The following ATP2B2 variants were observed in gnomAD, a reference collection of about 807,000 sequenced individuals.
ATP2B2 encodes plasma membrane calcium-transporting ATPase 2.
A neutral mutation model predicts 120.0 loss-of-function variants in ATP2B2; 15 were observed. The ratio of observed to expected loss-of-function variants is 0.12; its 90% CI spans 0.08 to 0.19. The LOEUF (loss-of-function observed/expected upper bound fraction) is 0.19. Ranked by LOEUF, ATP2B2 falls within the 10% of genes least tolerant of loss-of-function variation. The pLI, the probability that ATP2B2 is intolerant of heterozygous loss-of-function variation, is 1.00. For synonymous variants in ATP2B2, 694 were observed against 700.3 expected (o/e 0.99, Z 0.14); for missense variants, 1,045 against 1,719.8 (o/e 0.61, Z 6.94).
intron 1 of ATP2B2, among the ~76,000 whole-genome samples, chr3:10,694,634 C>A (rs918178494): frequency 2.6e-5 from 4 of 152,176 alleles, no homozygotes; most frequent in African/African-American, 9.7e-5. Flanking sequence ...GAGTATATGG[C>A]ACCTATTTCT....
intron 1 of ATP2B2, among the ~76,000 whole-genome samples, chr3:10,691,651 C>T (rs2071665841): frequency 6.6e-6 from 1 of 152,216 alleles, no homozygotes; most frequent in African/African-American, 2.4e-5. Context: ...TCCATGGAAA[C>T]AAACTGCTGC....
chr3:10,581,983 C>CA (rs1482038303), intron 2 of ATP2B2, among the ~76,000 whole-genome samples: 2 of 152,242 alleles, frequency 1.3e-5, no homozygotes, highest in East Asian at 3.8e-4. Context: ...ATGATTCCCA[C>CA]ACTGGTCGGA....
chr3:10,336,914 C>T (rs527732425), intron 22 of ATP2B2, among the ~76,000 whole-genome samples: 1 of 152,336 alleles, frequency 6.6e-6, no homozygotes, highest in East Asian at 1.9e-4. Context: ...ATCTGGAGAC[C>T]CCTGCGTGGC....
intron 9 of ATP2B2, among the ~76,000 whole-genome samples, chr3:10,378,937 A>G (rs1229447634): frequency 6.6e-6 from 1 of 152,228 alleles, no homozygotes; most frequent in East Asian, 1.9e-4. Context: ...CCTTTTGGAC[A>G]GAGACTGAGC....
chr3:10,421,162 G>C (rs2062966817), intron 2 of ATP2B2, among the ~76,000 whole-genome samples: 1 of 152,194 alleles, frequency 6.6e-6, no homozygotes, highest in Non-Finnish European at 1.5e-5. Context: ...GAGGGAGGAG[G>C]GTGAGGAGGA....
At chr3:10,334,641 G>A (rs577113877) in intron 22 of ATP2B2, among the ~76,000 whole-genome samples, 1 of 152,308 alleles carries the variant, frequency 6.6e-6, no homozygotes, top group East Asian at 1.9e-4. Flanking sequence ...CCAGCACTGC[G>A]TTTCTGTGCT....
In ATP2B2 at chr3:10,329,105, G is replaced by C; in HGVS notation, c.3441C>G (p.Phe1147Leu). The stretch of plus-strand genomic sequence containing the variant: ...CTAAACCTTCATAGAGAGAGCTACG[G>C]AACGCCTTCACGACGCGGATCTGCA... ...IQTQIRVVKA[F>L]RSSLYEGLEK... Residue 1147 changes from phenylalanine to leucine, a missense_variant, in exon 23 of 23, where the codon TTC becomes TTG. Phe to Leu is a conservative substitution (Grantham distance 22, BLOSUM62 0). This residue lies in a region of ATP2B2 where 211 missense variants were observed against 385.1 expected (regional missense o/e 0.55). Coordinates refer to ENST00000360273, the MANE Select transcript of ATP2B2 (RefSeq NM_001001331.4). This position sits in a 1 kb window ranked among gnomAD's most constrained non-coding sequence, Gnocchi z 5.9. 1 of 1,602,202 alleles carries C rather than the reference G, an allele frequency of 6.2e-7. No individual in the cohort carries two copies. The highest frequency in any genetic ancestry group is 8.5e-7 in the Non-Finnish European group (1 of 1,174,020).
chr3:10,573,474 G>C (rs146475886), intron 2 of ATP2B2, among the ~76,000 whole-genome samples: 1 of 152,270 alleles, frequency 6.6e-6, no homozygotes, highest in East Asian at 1.9e-4. Flanking sequence ...CTCTTCCCTA[G>C]AACTTTGATC....
At chr3:10,614,791 C>T (rs2004712) in intron 2 of ATP2B2, among the ~76,000 whole-genome samples, 83,865 of 151,674 alleles carry the variant, frequency 0.55, 23,790 homozygotes, top group Middle Eastern at 0.62. Flanking sequence ...TACCACAGCA[C>T]GGAGTCCCAA....
chr3:10,647,517 C>T (rs1306996793), intron 1 of ATP2B2, among the ~76,000 whole-genome samples: 5 of 152,184 alleles, frequency 3.3e-5, no homozygotes, highest in Non-Finnish European at 7.3e-5. Context: ...CCATGTGTTG[C>T]ATCAACTGCT....
rs549153909 is a variant in ATP2B2, at chr3:10,562,488, G to A, written c.-414-28355C>T. Among the ~76,000 whole-genome samples, 3 of 152,238 alleles carry A rather than the reference G, an allele frequency of 2.0e-5. No homozygotes were observed. In the East Asian group the frequency reaches 5.8e-4, roughly 29 times the overall value. ...TATGGGTCTTCTCTTGCTGGGTCTTGGGGAAGGAGGGAAGACTCAGTGGGC... is the reference window on the plus strand; with the variant it reads ...TATGGGTCTTCTCTTGCTGGGTCTTAGGGAAGGAGGGAAGACTCAGTGGGC... On this transcript the variant is annotated intron_variant, in intron 2 of 21. Transcript: ENST00000646379.
intron 2 of ATP2B2, among the ~76,000 whole-genome samples, chr3:10,619,161 T>G (rs1022594287): frequency 6.6e-6 from 1 of 152,160 alleles, no homozygotes; most frequent in Non-Finnish European, 1.5e-5. Context: ...GTAAAGTGGC[T>G]GTGTCTCCTA....
At position 10,596,753 on chromosome 3, in the gene ATP2B2, T is replaced by C. The variant is rs147882665; in HGVS notation, c.-415+23164A>G. ...TCAAATTATTCTGAAGGGCCACTTCTCTCTGTCCTTTAAGATGAAAACTCT... is the reference window on the plus strand; with the variant it reads ...TCAAATTATTCTGAAGGGCCACTTCCCTCTGTCCTTTAAGATGAAAACTCT... On this transcript the variant is annotated intron_variant, in intron 2 of 21. Coordinates refer to the ATP2B2 transcript ENST00000646379. Among the ~76,000 whole-genome samples, 1,478 of 152,338 alleles carry C rather than the reference T, an allele frequency of 9.7e-3. 10 individuals are homozygous for C. The highest frequency in any genetic ancestry group is 0.034 in the Middle Eastern group (10 of 294).
At chr3:10,426,175 C>G (rs13319485) in intron 2 of ATP2B2, among the ~76,000 whole-genome samples, 24 of 152,262 alleles carry the variant, frequency 1.6e-4, no homozygotes, top group Admixed American at 3.9e-4. Context: ...GCTGAACCCC[C>G]CTCCTAGATA....
At chr3:10,534,766 T>C (rs2067275676) in intron 2 of ATP2B2, among the ~76,000 whole-genome samples, 1 of 152,012 alleles carries the variant, frequency 6.6e-6, no homozygotes, top group Non-Finnish European at 1.5e-5. Context: ...GTAACTAAAA[T>C]ATAATATGCA....
At chr3:10,613,392 C>T (rs942517990) in intron 2 of ATP2B2, among the ~76,000 whole-genome samples, 8 of 152,126 alleles carry the variant, frequency 5.3e-5, no homozygotes, top group African/African-American at 1.9e-4. Context: ...GAGTTTGTTG[C>T]CAGCTGGTCA....
chr3:10,600,713 G>A (rs1385221321), intron 2 of ATP2B2, among the ~76,000 whole-genome samples: 1 of 152,184 alleles, frequency 6.6e-6, no homozygotes, highest in African/African-American at 2.4e-5. Context: ...TTGCACAGGG[G>A]CCCTCTGCCC....
chr3:10,337,964 C>A (rs1033664531), intron 22 of ATP2B2, among the ~76,000 whole-genome samples: 4 of 152,182 alleles, frequency 2.6e-5, no homozygotes, highest in Non-Finnish European at 5.9e-5. Context: ...CCTGAGAGGG[C>A]ACAATGGGAC....
At chr3:10,336,035 G>A (rs1215104422) in intron 22 of ATP2B2, 9 of 1,416,906 alleles carry the variant, frequency 6.4e-6, no homozygotes, top group East Asian at 5.0e-5. Flanking sequence ...GATTGTGACC[G>A]GCTGCCCCCC....
Sources: allele counts gnomAD v4.1 joint callset (sites outside exome capture counted in the v4.1 genomes callset), GRCh38; gene constraint gnomAD v4.1.1; regional missense constraint gnomAD v4.1.1; non-coding constraint Gnocchi (gnomAD v3.1); transcripts MANE v1.5; gene names NCBI Gene and HGNC (gene_info 2026-07-23, HGNC 2026-07-21).